The following ADAT2 variants were observed in gnomAD, a reference collection of about 807,000 sequenced individuals.
ADAT2 encodes the protein adenosine deaminase tRNA specific 2.
In ADAT2, 26 loss-of-function variants were observed where a neutral mutation model predicts 25.9. That is an observed-to-expected ratio of 1.00 (90% CI 0.74 to 1.39). ADAT2 has a LOEUF of 1.39. ADAT2 is among the 40% of genes most tolerant of loss of function. The pLI, the probability that ADAT2 is intolerant of heterozygous loss-of-function variation, is 0.00. For missense variants in ADAT2, 220 were observed against 244.8 expected (o/e 0.90, Z 0.68); for synonymous variants, 76 against 86.8 (o/e 0.88, Z 0.69).
chr6:143,449,322 G>T (rs1390480372), intron 1 of ADAT2, among the ~76,000 whole-genome samples: 1 of 152,156 alleles, frequency 6.6e-6, no homozygotes, highest in Non-Finnish European at 1.5e-5. Flanking sequence ...AAAGTTTTGG[G>T]ATTACAGGCA....
Position 143,432,026 on chromosome 6 carries a change from A to G in ADAT2, c.459+479T>C, listed in dbSNP as rs1255478852. ...AAAAAGACACACAAAAAAAGACATG[A>G]AAATACAGTGATTGCTAGATACTAA... On this transcript the variant is annotated intron_variant, in intron 4 of 5. Transcript: ENST00000237283. The surrounding 1 kb of genome is among the most constrained non-coding windows in gnomAD (Gnocchi z 4.4). Among the ~76,000 whole-genome samples, 1 of 152,240 alleles carries G rather than the reference A, an allele frequency of 6.6e-6. No individual in the cohort carries two copies. The highest frequency in any genetic ancestry group is 1.5e-5 in the Non-Finnish European group (1 of 68,042).
At chr6:143,430,677 T>C (rs1475247304) in intron 4 of ADAT2, among the ~76,000 whole-genome samples, 2 of 152,142 alleles carry the variant, frequency 1.3e-5, no homozygotes, top group Non-Finnish European at 2.9e-5. Context: ...GCCATTCTCC[T>C]GCCTCGGCCT....
Position 143,433,952 on chromosome 6 carries a change from G to A in ADAT2, c.231C>T (p.Ile77=), listed in dbSNP as rs779333821. The A allele has an allele frequency of 4.3e-6, 7 of 1,613,980 alleles. No homozygotes were observed. Among genetic ancestry groups the A allele is most frequent in the East Asian group, 2.2e-5 (1 of 44,898 alleles). ...GACGACACCAATCGAGGACCTGATC[G>A]ATGGCCACCATTTCTGCATGTCGAG... ...NATRHAEMVA[I]DQVLDWCRQS... is the part of the protein sequence containing the mutation. The change falls in exon 3 of 6, where the codon ATC becomes ATT. Residue 77 remains isoleucine (I), a synonymous_variant. Transcript: ENST00000237283.
intron 1 of ADAT2, among the ~76,000 whole-genome samples, chr6:143,441,102 T>C (rs370693925): frequency 2.0e-5 from 3 of 152,308 alleles, no homozygotes; most frequent in Non-Finnish European, 1.5e-5. Context: ...AAAACTTTGA[T>C]TGGGGCTCAC....
intron 1 of ADAT2, 74 bp downstream of exon 1, chr6:143,450,489 G>T: frequency 6.7e-7 from 1 of 1,493,070 alleles, no homozygotes; most frequent in Non-Finnish European, 9.3e-7. Flanking sequence ...AAGAACGTTT[G>T]CTCAAATGCC....
Position 143,446,974 on chromosome 6 carries a change from CT to C in ADAT2, c.96+3588del, listed in dbSNP as rs1439226165. ...CCAAGCCTATCTTTAGAATGTTATG[CT>C]GAACATGTTATGATGATTAAAATGA... On this transcript the variant is annotated intron_variant, in intron 1 of 5. Coordinates refer to ENST00000237283, the MANE Select transcript of ADAT2 (RefSeq NM_182503.3). This position sits in a 1 kb window ranked among gnomAD's most constrained non-coding sequence, Gnocchi z 5.0. 9.2e-5 allele frequency among the ~76,000 whole-genome samples: 14 copies of C among 152,228 alleles called. No homozygotes were observed. The highest frequency in any genetic ancestry group is 3.1e-4 in the African/African-American group (13 of 41,520).
chr6:143,427,096 A>AC lies in ADAT2; in HGVS notation c.*1366_*1367insG, dbSNP rs1778954292. On this transcript the variant is annotated 3_prime_UTR_variant, in exon 6 of 6. Coordinates refer to ENST00000237283, the MANE Select transcript of ADAT2 (RefSeq NM_182503.3). ...CCATAAAACTTTTCAAATGCAGTTA[A>AC]ACACACACACACACACACACACACA... The AC allele has an allele frequency of 7.1e-6, 1 of 140,176 alleles. No homozygotes were observed. The highest frequency in any genetic ancestry group is 1.5e-5 in the Non-Finnish European group (1 of 64,902). The allele number at this position is 140,176 out of a possible 1,614,324, so 8.7% of individuals were successfully genotyped here.
chr6:143,433,615 ATTAT>A (rs1350002974), intron 3 of ADAT2, among the ~76,000 whole-genome samples: 2 of 152,104 alleles, frequency 1.3e-5, no homozygotes, highest in Non-Finnish European at 2.9e-5. Flanking sequence ...CTTTCTCTAG[ATTAT>A]TTGTTTAATC....
intron 1 of ADAT2, among the ~76,000 whole-genome samples, 162 bp downstream of exon 1, chr6:143,450,401 G>A (rs1229190458): frequency 1.3e-5 from 2 of 152,170 alleles, no homozygotes; most frequent in Non-Finnish European, 2.9e-5. Context: ...GTGAGAATGG[G>A]CTACAGAAAG....
chr6:143,428,741 C>A lies in ADAT2; in HGVS notation c.460-57G>T. Reference sequence around the variant, plus strand: ...AGGCCTATGAAAATGTGTGCTGTATCCCATAAAAACAACATATATATACAT... The same window carrying A: ...AGGCCTATGAAAATGTGTGCTGTATACCATAAAAACAACATATATATACAT... On this transcript the variant is annotated intron_variant, in intron 4 of 5. Coordinates refer to ENST00000237283, the MANE Select transcript of ADAT2 (RefSeq NM_182503.3). This position sits in a 1 kb window ranked among gnomAD's most constrained non-coding sequence, Gnocchi z 5.0. The A allele has an allele frequency of 6.7e-7, 1 of 1,497,256 alleles. No homozygotes were observed. The highest frequency in any genetic ancestry group is 9.2e-7 in the Non-Finnish European group (1 of 1,084,942). 92.7% of individuals were successfully genotyped at this position (1,497,256 alleles called of 1,614,324 possible).
intron 1 of ADAT2, chr6:143,449,699 T>C (rs543813371): frequency 6.6e-6 from 1 of 152,214 alleles, no homozygotes; most frequent in Non-Finnish European, 1.5e-5. Context: ...TTAACTGGGA[T>C]AAAAGTTTGT....
rs1779306845 is a variant in ADAT2, at chr6:143,437,011, T to A, written c.201+1579A>T. 6.6e-6 allele frequency among the ~76,000 whole-genome samples: 1 copy of A among 152,180 alleles called. No homozygotes were observed. The highest frequency in any genetic ancestry group is 1.5e-5 in the Non-Finnish European group (1 of 68,034). On this transcript the variant is annotated intron_variant, in intron 2 of 5. Coordinates refer to ENST00000237283, the MANE Select transcript of ADAT2 (RefSeq NM_182503.3). The surrounding 1 kb of genome is among the most constrained non-coding windows in gnomAD (Gnocchi z 4.1). ...GAAATACTATATTTTTATTTAAGTG[T>A]CTTTTTTCTTTCTAATTCTACACTT...
chr6:143,443,048 T>C lies in ADAT2; in HGVS notation c.97-4354A>G, dbSNP rs186005342. On this transcript the variant is annotated intron_variant, in intron 1 of 5. Coordinates refer to ENST00000237283, the MANE Select transcript of ADAT2 (RefSeq NM_182503.3). ...ACAATTTATTGAAAGCTTACTTTGA[T>C]CCAGGACTAATTTAAGCATTTTATA... 2.0e-5 allele frequency among the ~76,000 whole-genome samples: 3 copies of C among 152,212 alleles called. No homozygotes were observed. The East Asian group carries it at 5.8e-4, about 29-fold the overall frequency.
In ADAT2 at chr6:143,433,891, T is replaced by C. The variant is rs1779189249; in HGVS notation, c.292A>G (p.Thr98Ala). Residue 98 changes from threonine (T) to alanine (A), a missense_variant, in exon 3 of 6, where the codon ACT becomes GCT. Physicochemically the swap from Thr to Ala is moderately conservative, Grantham distance 58. Coordinates refer to ENST00000237283, the MANE Select transcript of ADAT2 (RefSeq NM_182503.3). ...GGCTCCACAGTGACATACAACACAGTGTGTTCAAATACTTCAGAGGGACTC... is the reference window on the plus strand; with the variant it reads ...GGCTCCACAGTGACATACAACACAGCGTGTTCAAATACTTCAGAGGGACTC... ...GKSPSEVFEH[T>A]VLYVTVEPCI... 2.5e-6 allele frequency: 4 copies of C among 1,614,010 alleles called. No homozygotes were observed. Among genetic ancestry groups the C allele is most frequent in the South Asian group, 1.1e-5 (1 of 91,024 alleles).
In ADAT2 at chr6:143,425,373, T is replaced by A. The variant is rs1434427070; in HGVS notation, c.*3090A>T. The A allele has an allele frequency of 6.5e-4, 91 of 139,768 alleles. No individual in the cohort carries two copies. Among genetic ancestry groups the A allele is most frequent in the African/African-American group, 2.4e-3 (85 of 35,730 alleles). 8.7% of individuals were successfully genotyped at this position (139,768 alleles called of 1,614,324 possible). On this transcript the variant is annotated 3_prime_UTR_variant, in exon 6 of 6. Coordinates refer to ENST00000237283, the MANE Select transcript of ADAT2 (RefSeq NM_182503.3). ...CTACAAAAAAAAAAAAAAAAAAAAATTAGGTGTGGTGACATGAGTCTGTGG... is the reference window on the plus strand; with the variant it reads ...CTACAAAAAAAAAAAAAAAAAAAAAATAGGTGTGGTGACATGAGTCTGTGG...
At chr6:143,443,084 C>A (rs1395060785) in intron 1 of ADAT2, among the ~76,000 whole-genome samples, 3 of 152,140 alleles carry the variant, frequency 2.0e-5, no homozygotes, top group African/African-American at 7.2e-5. Flanking sequence ...AGTATTAATT[C>A]ATTTCATTTA....
intron 1 of ADAT2, among the ~76,000 whole-genome samples, chr6:143,448,855 T>A (rs935294062): frequency 2.6e-5 from 4 of 151,934 alleles, no homozygotes; most frequent in African/African-American, 9.7e-5. Flanking sequence ...CAAAAAAAAA[T>A]CTTCTAAAAA....
rs563291685 is a variant in ADAT2, at chr6:143,428,455, G to A, written c.*8C>T. On this transcript the variant is annotated 3_prime_UTR_variant, in exon 6 of 6. Coordinates refer to ENST00000237283, the MANE Select transcript of ADAT2 (RefSeq NM_182503.3). The surrounding 1 kb of genome is among the most constrained non-coding windows in gnomAD (Gnocchi z 5.0). Reference sequence around the variant, plus strand: ...TTTGGGTCACTTGGTTCTTTCATCAGAACATGTTCAAGATTTCTGACATTC... The same window carrying A: ...TTTGGGTCACTTGGTTCTTTCATCAAAACATGTTCAAGATTTCTGACATTC... 12 of 1,613,110 alleles carry A rather than the reference G, an allele frequency of 7.4e-6. No homozygotes were observed. The African/African-American group carries it at 1.6e-4, about 22-fold the overall frequency.
chr6:143,437,683 C>T lies in ADAT2; in HGVS notation c.201+907G>A, dbSNP rs557749214. On this transcript the variant is annotated intron_variant, in intron 2 of 5. Transcript: ENST00000237283. This position sits in a 1 kb window ranked among gnomAD's most constrained non-coding sequence, Gnocchi z 4.1. ...GGATTCCTATTTTACATGTGTTTTGCTAAATATCAGTTTTCTTTTCAATAG... is the reference window on the plus strand; with the variant it reads ...GGATTCCTATTTTACATGTGTTTTGTTAAATATCAGTTTTCTTTTCAATAG... 1.2e-4 allele frequency among the ~76,000 whole-genome samples: 19 copies of T among 152,118 alleles called. No individual in the cohort carries two copies. In the East Asian group the frequency reaches 3.1e-3, roughly 25 times the overall value.
Sources: gnomAD v4.1 joint callset for allele counts (sites outside exome capture counted in the v4.1 genomes callset) on GRCh38, gnomAD v4.1.1 for gene constraint, Gnocchi (gnomAD v3.1) non-coding constraint, MANE v1.5 for transcripts, NCBI Gene and HGNC (gene_info 2026-07-23, HGNC 2026-07-21) for gene names.